The following PHACTR3 variants were observed in gnomAD, a reference collection of about 807,000 sequenced individuals.
The protein encoded by PHACTR3 is protein phosphatase 1, regulatory subunit 123.
In PHACTR3, 16 loss-of-function variants were observed where a neutral mutation model predicts 66.8. The ratio of observed to expected loss-of-function variants is 0.24; its 90% CI spans 0.16 to 0.36. The LOEUF (loss-of-function observed/expected upper bound fraction) is 0.36. Among genes scored for constraint, PHACTR3 ranks in the 10% least tolerant of loss-of-function variants. The pLI is 1.00. For synonymous variants in PHACTR3, 323 were observed against 292.1 expected, an observed-to-expected ratio of 1.11 and a Z score of -1.08; for missense variants, 647 against 719.9, an observed-to-expected ratio of 0.90 and a Z score of 1.16.
intron 9 of PHACTR3, among the ~76,000 whole-genome samples, chr20:59,839,588 C>G (rs1171902090): frequency 6.6e-6 from 1 of 152,112 alleles, no homozygotes; most frequent in Non-Finnish European, 1.5e-5. Flanking sequence ...ATAGGACAGC[C>G]ATTATCTTGT....
At chr20:59,638,739 G>A (rs921313184) in intron 1 of PHACTR3, among the ~76,000 whole-genome samples, 7 of 150,000 alleles carry the variant, frequency 4.7e-5, no homozygotes, top group Non-Finnish European at 1.0e-4. Context: ...GATAAATGGG[G>A]ATGGATAGAT....
intron 1 of PHACTR3, among the ~76,000 whole-genome samples, chr20:59,631,924 A>G (rs1438710861): frequency 6.6e-6 from 1 of 152,174 alleles, no homozygotes; most frequent in African/African-American, 2.4e-5. Flanking sequence ...GTAGAGTGGC[A>G]TCTGGCCCCG....
intron 1 of PHACTR3, among the ~76,000 whole-genome samples, chr20:59,659,105 C>T (rs1162034242): frequency 6.6e-6 from 1 of 152,080 alleles, no homozygotes; most frequent in East Asian, 1.9e-4. Context: ...TACATGTTTA[C>T]CTTTCACACA....
intron 1 of PHACTR3, among the ~76,000 whole-genome samples, chr20:59,685,929 G>T (rs1160814026): frequency 2.6e-5 from 4 of 152,208 alleles, no homozygotes; most frequent in African/African-American, 9.6e-5. Context: ...ACACTGCCTG[G>T]ACCAGAGGCC....
At chr20:59,681,632 G>A (rs1266944867) in intron 1 of PHACTR3, among the ~76,000 whole-genome samples, 1 of 152,238 alleles carries the variant, frequency 6.6e-6, no homozygotes, top group Non-Finnish European at 1.5e-5. Flanking sequence ...ACAAGGAGAA[G>A]TTTAATGTTC....
upstream of PHACTR3, among the ~76,000 whole-genome samples, chr20:59,601,859 C>T (rs1217679873): frequency 2.0e-5 from 3 of 152,216 alleles, no homozygotes; most frequent in Non-Finnish European, 4.4e-5. Flanking sequence ...GGTTGCATCT[C>T]ATCTTCTGCT....
At position 59,831,633 on chromosome 20, in the gene PHACTR3, C is replaced by T. The variant is rs112047096; in HGVS notation, c.1329-4872C>T. On this transcript the variant is annotated intron_variant, in intron 8 of 12. Coordinates refer to ENST00000371015, the MANE Select transcript of PHACTR3 (RefSeq NM_080672.5). ...TTCTACACCCCCACCTACCCCGCCC[C>T]ACCCCTCTGCAGGGCCTTCTGCAGC... Among the ~76,000 whole-genome samples the T allele has an allele frequency of 6.9e-3, 1,044 of 152,296 alleles. 12 individuals are homozygous for T. Among genetic ancestry groups the T allele is most frequent in the Middle Eastern group, 0.024 (7 of 294 alleles).
chr20:59,668,789 C>T (rs969924808), intron 1 of PHACTR3, among the ~76,000 whole-genome samples: 1 of 152,194 alleles, frequency 6.6e-6, no homozygotes, highest in South Asian at 2.1e-4. Context: ...GCAACTCCGC[C>T]TCCTGGGTTC....
chr20:59,592,724 C>G (rs940972281), intron 1 of PHACTR3, among the ~76,000 whole-genome samples: 4 of 152,196 alleles, frequency 2.6e-5, no homozygotes, highest in Non-Finnish European at 5.9e-5. Context: ...TTTTCAAGAA[C>G]AGCGTAGAGT....
At chr20:59,603,869 G>A (rs1003808776), upstream of PHACTR3, 1 of 153,066 alleles carries the variant, frequency 6.5e-6, no homozygotes, top group African/African-American at 2.4e-5. Flanking sequence ...GGGAAGCAGC[G>A]GCTGCCTGCC....
intron 1 of PHACTR3, among the ~76,000 whole-genome samples, chr20:59,694,392 T>G (rs73915056): frequency 6.6e-6 from 1 of 152,076 alleles, no homozygotes; most frequent in African/African-American, 2.4e-5. Context: ...TCTCCTTGAC[T>G]CACTATTATA....
intron 1 of PHACTR3, among the ~76,000 whole-genome samples, chr20:59,629,930 G>T (rs1308022635): frequency 6.6e-6 from 1 of 152,114 alleles, no homozygotes; most frequent in East Asian, 1.9e-4. Context: ...TAGACCAGGG[G>T]TTCTAGGCAG....
chr20:59,616,024 G>A (rs1043684971), intron 1 of PHACTR3, among the ~76,000 whole-genome samples: 4 of 152,158 alleles, frequency 2.6e-5, no homozygotes, highest in Admixed American at 6.5e-5. Flanking sequence ...CAACAGACAA[G>A]GTCTGTGGGG....
Position 59,767,256 on chromosome 20 carries a change from C to G in PHACTR3, c.612C>G (p.Leu204=), listed in dbSNP as rs2040208763. 1.7e-5 allele frequency: 28 copies of G among 1,614,262 alleles called. No homozygotes were observed. Among genetic ancestry groups the G allele is most frequent in the Non-Finnish European group, 2.4e-5 (28 of 1,180,048 alleles). The part of the protein sequence containing the change: ...AGSLLPTTNE[L]SQALAGADSL... ...GCCTCCTGCCCACCACCAATGAGCT[C>G]TCCCAAGCCTTAGCTGGGGCTGACT... Residue 204 remains leucine, a synonymous_variant, in exon 5 of 13, where the codon CTC becomes CTG. Coordinates refer to ENST00000371015, the MANE Select transcript of PHACTR3 (RefSeq NM_080672.5).
chr20:59,748,073 T>C (rs1233319290), intron 3 of PHACTR3, among the ~76,000 whole-genome samples: 4 of 152,180 alleles, frequency 2.6e-5, no homozygotes, highest in Non-Finnish European at 5.9e-5. Context: ...ATGGCACCAC[T>C]CCTCTCTGGG....
chr20:59,625,478 T>C (rs1397753451), intron 1 of PHACTR3, among the ~76,000 whole-genome samples: 6 of 152,174 alleles, frequency 3.9e-5, no homozygotes, highest in Non-Finnish European at 8.8e-5. Context: ...CTGGAATATA[T>C]TTAGAAATCT....
At chr20:59,810,983 C>T (rs1600697927) in intron 8 of PHACTR3, among the ~76,000 whole-genome samples, 2 of 152,244 alleles carry the variant, frequency 1.3e-5, no homozygotes, top group Non-Finnish European at 2.9e-5. Context: ...CTGCTGCCGG[C>T]TTTCAGCATA....
intron 1 of PHACTR3, among the ~76,000 whole-genome samples, chr20:59,698,494 A>T (rs886185910): frequency 2.6e-5 from 4 of 152,192 alleles, no homozygotes; most frequent in African/African-American, 9.7e-5. Context: ...AGTTATACAT[A>T]TAAACACACA....
intron 1 of PHACTR3, among the ~76,000 whole-genome samples, chr20:59,724,747 C>T (rs983400072): frequency 2.0e-5 from 3 of 152,340 alleles, no homozygotes; most frequent in African/African-American, 7.2e-5. Flanking sequence ...TACACGCTCT[C>T]AAGCGACTCT....
Sources: allele counts gnomAD v4.1 joint callset (sites outside exome capture counted in the v4.1 genomes callset), GRCh38; gene constraint gnomAD v4.1.1; transcripts MANE v1.5; gene names NCBI Gene and HGNC (gene_info 2026-07-23, HGNC 2026-07-21).